FGF14: variants seen among roughly 807,000 people sequenced by gnomAD.
The protein encoded by FGF14 is fibroblast growth factor 14.
Under a neutral mutation model 25.5 loss-of-function variants are expected in FGF14, and 5 were observed. That is an observed-to-expected ratio of 0.20 (90% confidence interval 0.10 to 0.41). FGF14 has a LOEUF of 0.41. FGF14 is among the 10% of genes least tolerant of loss of function. FGF14 has a pLI of 1.00. For synonymous variants in FGF14, 138 were observed against 118.3 expected (o/e 1.17, Z -1.08); for missense variants, 222 against 320.1 (o/e 0.69, Z 2.34).
chr13:102,233,324 T>G (rs1198751146), intron 1 of FGF14, among the ~76,000 whole-genome samples: 1 of 152,032 alleles, frequency 6.6e-6, no homozygotes, highest in Non-Finnish European at 1.5e-5. Context: ...TAGAGATGGA[T>G]TTCACCATGT....
chr13:101,837,045 G>A (rs2042958459), intron 3 of FGF14, among the ~76,000 whole-genome samples: 1 of 151,928 alleles, frequency 6.6e-6, no homozygotes, highest in African/African-American at 2.4e-5. Context: ...TATAATGTTG[G>A]GCTAAACTAC....
chr13:102,045,006 CAT>C (rs1375184903), intron 1 of FGF14, among the ~76,000 whole-genome samples: 1 of 152,152 alleles, frequency 6.6e-6, no homozygotes, highest in Non-Finnish European at 1.5e-5. Flanking sequence ...GTGGCAAAAA[CAT>C]GTGTCTATAA....
intron 1 of FGF14, among the ~76,000 whole-genome samples, chr13:102,352,438 C>T (rs1285693664): frequency 6.6e-6 from 1 of 152,060 alleles, no homozygotes; most frequent in Non-Finnish European, 1.5e-5. Context: ...GGCTCATAAA[C>T]CTTATTTACA....
chr13:102,005,264 A>C (rs2039719821), intron 1 of FGF14, among the ~76,000 whole-genome samples: 1 of 152,214 alleles, frequency 6.6e-6, no homozygotes, highest in Non-Finnish European at 1.5e-5. Flanking sequence ...AAATCCCTAC[A>C]TGGATATATA....
intron 1 of FGF14, among the ~76,000 whole-genome samples, chr13:101,931,813 C>G (rs938691562): frequency 1.3e-5 from 2 of 152,132 alleles, no homozygotes; most frequent in Non-Finnish European, 2.9e-5. Flanking sequence ...CGCGATTGAC[C>G]CATTTTAAAC....
At chr13:101,856,871 G>A (rs920979276) in intron 3 of FGF14, among the ~76,000 whole-genome samples, 1 of 151,898 alleles carries the variant, frequency 6.6e-6, no homozygotes, top group Non-Finnish European at 1.5e-5. Flanking sequence ...ACACAGTATT[G>A]CCCACCATAG....
intron 1 of FGF14, among the ~76,000 whole-genome samples, chr13:102,389,883 G>C (rs1348450280): frequency 6.6e-6 from 1 of 152,134 alleles, no homozygotes; most frequent in Non-Finnish European, 1.5e-5. Context: ...CTCTGACCCA[G>C]GAGTCCCCTG....
intron 1 of FGF14, among the ~76,000 whole-genome samples, chr13:102,076,102 A>C (rs559773527): frequency 6.6e-6 from 1 of 152,248 alleles, no homozygotes; most frequent in East Asian, 1.9e-4. Flanking sequence ...ATTTATTTTT[A>C]ATAAATATAG....
intron 3 of FGF14, among the ~76,000 whole-genome samples, chr13:101,784,758 C>A (rs912959145): frequency 1.3e-5 from 2 of 152,146 alleles, no homozygotes; most frequent in African/African-American, 2.4e-5. Flanking sequence ...TTATGAAACA[C>A]CTGCTGTGTG....
chr13:101,892,122 A>C (rs1272718965), intron 1 of FGF14, among the ~76,000 whole-genome samples: 1 of 152,188 alleles, frequency 6.6e-6, no homozygotes, highest in Non-Finnish European at 1.5e-5. Context: ...AGGAAAATAA[A>C]ATAATAGGGA....
rs539314423 is a variant in FGF14, at chr13:102,250,723, A to T, written c.208+150748T>A. Among the ~76,000 whole-genome samples the T allele has an allele frequency of 3.8e-4, 58 of 152,346 alleles. 1 individual carries two copies. In the South Asian group the frequency reaches 0.011, roughly 30 times the overall value. On this transcript the variant is annotated intron_variant, in intron 1 of 4. Transcript: ENST00000376131. Reference sequence around the variant, plus strand: ...TTTGTTTCAGAGAATGCTGATTAATATGCTGATAAACTAAGATTAATATTT... The same window carrying T: ...TTTGTTTCAGAGAATGCTGATTAATTTGCTGATAAACTAAGATTAATATTT...
intron 1 of FGF14, among the ~76,000 whole-genome samples, chr13:102,100,449 G>A (rs902261108): frequency 3.9e-5 from 6 of 152,118 alleles, no homozygotes; most frequent in African/African-American, 1.4e-4. Flanking sequence ...TCCTGGCTTT[G>A]CAGAACAGAA....
At chr13:101,890,940 T>C (rs1351549684) in intron 1 of FGF14, among the ~76,000 whole-genome samples, 1 of 152,022 alleles carries the variant, frequency 6.6e-6, no homozygotes, top group Non-Finnish European at 1.5e-5. Flanking sequence ...TTTTTTCTTA[T>C]TGATAAGAAG....
At chr13:102,035,117 TG>T (rs1457370266) in intron 1 of FGF14, among the ~76,000 whole-genome samples, 1 of 152,086 alleles carries the variant, frequency 6.6e-6, no homozygotes, top group African/African-American at 2.4e-5. Flanking sequence ...ATGCCTGAGT[TG>T]ATGAGTCAGA....
intron 1 of FGF14, among the ~76,000 whole-genome samples, chr13:101,881,593 G>A (rs1372548360): frequency 6.6e-6 from 1 of 151,930 alleles, no homozygotes; most frequent in Admixed American, 6.6e-5. Flanking sequence ...AGAAAAGCAC[G>A]TATCTTTTGG....
At chr13:102,031,516 C>T (rs2041208218) in intron 1 of FGF14, among the ~76,000 whole-genome samples, 1 of 152,044 alleles carries the variant, frequency 6.6e-6, no homozygotes, top group African/African-American at 2.4e-5. Flanking sequence ...AATTTAATAA[C>T]AGTTTAGTTA....
At chr13:101,781,709 T>C (rs898382967) in intron 3 of FGF14, among the ~76,000 whole-genome samples, 64 of 152,236 alleles carry the variant, frequency 4.2e-4, no homozygotes, top group Non-Finnish European at 8.8e-5. Flanking sequence ...CCCTGGGTTT[T>C]AGATTCCAAA....
intron 1 of FGF14, among the ~76,000 whole-genome samples, chr13:102,139,261 G>A (rs7358969): frequency 0.69 from 104,568 of 151,872 alleles, 37,267 homozygotes; most frequent in East Asian, 0.91. Flanking sequence ...CTAGCCAGGC[G>A]TGGTAGCACG....
intron 1 of FGF14, among the ~76,000 whole-genome samples, chr13:101,936,097 A>G (rs1219960247): frequency 6.6e-6 from 1 of 152,152 alleles, no homozygotes; most frequent in Admixed American, 6.5e-5. Flanking sequence ...AACATACCTT[A>G]TCTTATTTAA....
Sources: gnomAD v4.1 joint callset for allele counts (sites outside exome capture counted in the v4.1 genomes callset) on GRCh38, gnomAD v4.1.1 for gene constraint, MANE v1.5 for transcripts, NCBI Gene and HGNC (gene_info 2026-07-23, HGNC 2026-07-21) for gene names.